Variants in DCAF1 observed in about 807,000 individuals in gnomAD.
DCAF1 encodes the protein DDB1 and CUL4 associated factor 1, also known as DDB1- and CUL4-associated factor 1.
DCAF1 carries 15 observed loss-of-function variants against 128.0 expected under a neutral mutation model. That is an observed-to-expected ratio of 0.12 (90% CI 0.08 to 0.18). The LOEUF is 0.18. Among genes scored for constraint, DCAF1 ranks in the 10% least tolerant of loss-of-function variants. The probability of loss-of-function intolerance (pLI) is 1.00; values close to 1 mark genes in which losing one functional copy is unlikely to be tolerated. For missense variants in DCAF1, 988 were observed against 1,649.5 expected, an observed-to-expected ratio of 0.60 and a Z score of 6.95; for synonymous variants, 610 against 603.0, an observed-to-expected ratio of 1.01 and a Z score of -0.17.
chr3:51,479,613 C>G (rs1705912583), intron 3 of DCAF1, among the ~76,000 whole-genome samples: 1 of 151,744 alleles, frequency 6.6e-6, no homozygotes, highest in Non-Finnish European at 1.5e-5. Context: ...ACGGTGAAAC[C>G]TGAAACCTCA....
rs781992734 is a variant in DCAF1, at chr3:51,422,393, A to G, written c.1886T>C (p.Ile629Thr). 2.3e-5 allele frequency: 17 copies of G among 737,290 alleles called. No homozygotes were observed. The highest frequency in any genetic ancestry group is 4.3e-5 in the Non-Finnish European group (17 of 395,554). The allele number at this position is 737,290 out of a possible 1,614,324, so 45.7% of individuals were successfully genotyped here. The part of the protein sequence containing the change: ...TVRFALDVLA[I>T]LTVVPKIQLQ... ...CTGGATTTTTGGCACCACAGTAAGA[A>G]TAGCCAGGACATCCAAAGCAAAGCG... Residue 629 changes from isoleucine (I) to threonine (T), a missense_variant, in exon 14 of 25, where the codon ATT becomes ACT. Transcript: ENST00000684031.
intron 20 of DCAF1, among the ~76,000 whole-genome samples, chr3:51,413,656 G>C (rs1418979855): frequency 6.6e-6 from 1 of 152,150 alleles, no homozygotes; most frequent in Non-Finnish European, 1.5e-5. Context: ...AACAACACAA[G>C]AGGACAAATG....
At chr3:51,429,093 G>A (rs1700154717) in intron 12 of DCAF1, among the ~76,000 whole-genome samples, 168 bp downstream of exon 12, 1 of 152,136 alleles carries the variant, frequency 6.6e-6, no homozygotes, top group Admixed American at 6.6e-5. Context: ...ATAATTCCCT[G>A]AAATTCACCT....
chr3:51,444,702 G>A (rs1370652609), intron 6 of DCAF1, among the ~76,000 whole-genome samples: 1 of 150,308 alleles, frequency 6.7e-6, no homozygotes, highest in South Asian at 2.1e-4. Flanking sequence ...TTGAGACAGA[G>A]TCTTGCTCTG....
chr3:51,488,055 G>A (rs888076399), intron 2 of DCAF1, among the ~76,000 whole-genome samples: 1 of 151,230 alleles, frequency 6.6e-6, no homozygotes, highest in Non-Finnish European at 1.5e-5. Flanking sequence ...AGTAGAGACG[G>A]GGTTTCACCA....
chr3:51,432,367 C>T (rs2107576368), intron 10 of DCAF1, among the ~76,000 whole-genome samples: 1 of 151,306 alleles, frequency 6.6e-6, no homozygotes, highest in East Asian at 1.9e-4. Flanking sequence ...GGCAATAGGG[C>T]AAGACCCTGT....
intron 4 of DCAF1, among the ~76,000 whole-genome samples, chr3:51,468,539 C>A (rs1704381780): frequency 6.6e-6 from 1 of 152,046 alleles, no homozygotes; most frequent in Admixed American, 6.6e-5. Flanking sequence ...TTTAGAGAGG[C>A]AAATTTAGTC....
chr3:51,473,906 C>T (rs1181218314), intron 3 of DCAF1, among the ~76,000 whole-genome samples: 5 of 151,808 alleles, frequency 3.3e-5, no homozygotes, highest in Admixed American at 6.6e-5. Flanking sequence ...CACGTTCAGG[C>T]GATTCTCCTG....
intron 3 of DCAF1, among the ~76,000 whole-genome samples, chr3:51,482,521 T>C (rs1706332231): frequency 6.6e-6 from 1 of 151,726 alleles, no homozygotes. Flanking sequence ...TCCCAGCACT[T>C]TGGGAGGCCA....
intron 5 of DCAF1, among the ~76,000 whole-genome samples, chr3:51,466,179 G>A (rs1553646397): frequency 6.6e-6 from 1 of 152,178 alleles, no homozygotes; most frequent in East Asian, 1.9e-4. Context: ...TCCAGCCTAA[G>A]TAACAGAGCC....
chr3:51,432,643 G>A (rs1311140208), intron 10 of DCAF1, among the ~76,000 whole-genome samples: 1 of 152,036 alleles, frequency 6.6e-6, no homozygotes, highest in Non-Finnish European at 1.5e-5. Flanking sequence ...ATTTTTAGTA[G>A]AGACGGGGTT....
upstream of DCAF1, among the ~76,000 whole-genome samples, chr3:51,502,682 A>G (rs1708847788): frequency 6.6e-6 from 1 of 152,160 alleles, no homozygotes; most frequent in East Asian, 1.9e-4. Context: ...CAGGGGAAGC[A>G]GGGGAGGAGA....
At chr3:51,458,741 G>C (rs1397772749) in intron 6 of DCAF1, among the ~76,000 whole-genome samples, 4 of 152,120 alleles carry the variant, frequency 2.6e-5, no homozygotes, top group Non-Finnish European at 5.9e-5. Flanking sequence ...AATCAAACTA[G>C]AACTCAGGAT....
At chr3:51,471,341 GC>G (rs1209618506) in intron 3 of DCAF1, among the ~76,000 whole-genome samples, 2 of 151,540 alleles carry the variant, frequency 1.3e-5, no homozygotes, top group Non-Finnish European at 2.9e-5. Flanking sequence ...CCACCACCAC[GC>G]CCGGCTAACT....
chr3:51,441,272 C>G, intron 8 of DCAF1, 113 bp downstream of exon 8: 1 of 1,374,490 alleles, frequency 7.3e-7, no homozygotes, highest in Non-Finnish European at 9.7e-7. Flanking sequence ...CATGCAAACC[C>G]TTGTTTGTGG....
chr3:51,410,274 G>A (rs782345984), intron 23 of DCAF1, among the ~76,000 whole-genome samples: 4 of 152,186 alleles, frequency 2.6e-5, no homozygotes, highest in Non-Finnish European at 4.4e-5. Context: ...TGCAGATCAC[G>A]AATCATCTCG....
chr3:51,406,353 A>C (rs1553626631), intron 23 of DCAF1, among the ~76,000 whole-genome samples: 2 of 151,234 alleles, frequency 1.3e-5, no homozygotes, highest in Non-Finnish European at 1.5e-5. Flanking sequence ...AAAAAAAAAA[A>C]AAAAAAAAAA....
intron 8 of DCAF1, 109 bp from the exon 9 acceptor site, chr3:51,441,180 C>T: frequency 8.3e-7 from 1 of 1,205,986 alleles, no homozygotes; most frequent in Non-Finnish European, 1.2e-6. Context: ...CTCTTCCTCC[C>T]TCCCTGTGAA....
chr3:51,414,826 A>G lies in DCAF1; in HGVS notation c.3635T>C (p.Leu1212Ser), dbSNP rs782650152. Residue 1212 changes from leucine to serine, a missense_variant, in exon 19 of 25, where the codon TTG becomes TCG. By Grantham distance (145) the Leu-to-Ser change is moderately radical. Transcript: ENST00000684031. ...IYDIQTGNKL[L>S]TLFNPDLANN... ...GGCAAGATCTGGGTTAAACAGAGTC[A>G]ACAGCTTGTTGCCAGTCTGAATATC... 2 of 1,614,024 alleles carry G rather than the reference A, an allele frequency of 1.2e-6. No homozygotes were observed. The highest frequency in any genetic ancestry group is 1.7e-6 in the Non-Finnish European group (2 of 1,179,892).
Sources: allele counts gnomAD v4.1 joint callset (sites outside exome capture counted in the v4.1 genomes callset), GRCh38; gene constraint gnomAD v4.1.1; transcripts MANE v1.5; gene names NCBI Gene and HGNC (gene_info 2026-07-23, HGNC 2026-07-21).